The following TRPC4 variants were observed in gnomAD, a reference collection of about 807,000 sequenced individuals.
The protein encoded by TRPC4 is transient receptor potential cation channel subfamily C member 4, also known as short transient receptor potential channel 4.
In TRPC4, 49 loss-of-function variants were observed where a neutral mutation model predicts 99.4. The ratio of observed to expected loss-of-function variants is 0.49; its 90% CI spans 0.39 to 0.63. TRPC4 has a LOEUF of 0.63. TRPC4 is among the 20% of genes least tolerant of loss of function. The pLI, the probability that TRPC4 is intolerant of heterozygous loss-of-function variation, is 0.00. For missense variants in TRPC4, 898 were observed against 1,152.9 expected (o/e 0.78, Z 3.20); for synonymous variants, 454 against 425.9 (o/e 1.07, Z -0.81).
chr13:37,866,722 G>A (rs75417170), intron 1 of TRPC4, among the ~76,000 whole-genome samples: 5 of 151,528 alleles, frequency 3.3e-5, no homozygotes, highest in African/African-American at 1.2e-4. Context: ...GCCTCTGGAA[G>A]GGTGAGAAAT....
At chr13:37,830,447 G>A (rs1001138251) in intron 1 of TRPC4, among the ~76,000 whole-genome samples, 5 of 151,628 alleles carry the variant, frequency 3.3e-5, no homozygotes, top group African/African-American at 1.2e-4. Context: ...GATGGCTGAC[G>A]CCTGTAATCC....
intron 10 of TRPC4, among the ~76,000 whole-genome samples, chr13:37,637,975 G>A (rs902819034): frequency 1.3e-5 from 2 of 152,100 alleles, no homozygotes; most frequent in Non-Finnish European, 1.5e-5. Context: ...TGTCTCTGGG[G>A]TGTATTTTAT....
intron 3 of TRPC4, among the ~76,000 whole-genome samples, chr13:37,693,423 G>T (rs1209161999): frequency 6.6e-6 from 1 of 152,184 alleles, no homozygotes; most frequent in African/African-American, 2.4e-5. Flanking sequence ...TAAGTTCCTT[G>T]TAAGAGACTT....
intron 1 of TRPC4, among the ~76,000 whole-genome samples, chr13:37,801,172 T>C (rs754172616): frequency 4.6e-5 from 7 of 152,170 alleles, no homozygotes; most frequent in Non-Finnish European, 8.8e-5. Flanking sequence ...TACTGTGGAA[T>C]GTAACATAAA....
At chr13:37,741,551 G>A (rs1256331030) in intron 3 of TRPC4, among the ~76,000 whole-genome samples, 1 of 152,130 alleles carries the variant, frequency 6.6e-6, no homozygotes, top group Non-Finnish European at 1.5e-5. Flanking sequence ...ATCGCAGAAT[G>A]GTACTTGAAA....
intron 2 of TRPC4, among the ~76,000 whole-genome samples, chr13:37,774,762 CA>C (rs1215148200): frequency 1.3e-5 from 2 of 151,550 alleles, no homozygotes; most frequent in South Asian, 2.1e-4. Flanking sequence ...GTTTTGATAA[CA>C]AAATGATACT....
chr13:37,710,549 T>C (rs1954450125), intron 3 of TRPC4, among the ~76,000 whole-genome samples: 1 of 151,942 alleles, frequency 6.6e-6, no homozygotes, highest in Admixed American at 6.6e-5. Context: ...GTAAGTTTGG[T>C]ATGGAAATTA....
chr13:37,663,664 T>A lies in TRPC4; in HGVS notation c.1440A>T (p.Leu480Phe). 6.2e-7 allele frequency: 1 copy of A among 1,614,114 alleles called. No homozygotes were observed. The highest frequency in any genetic ancestry group is 8.5e-7 in the Non-Finnish European group (1 of 1,179,998). ...MWHPTLVAEA[L>F]FAIANIFSSL... is the part of the protein sequence containing the mutation. ...AACTGAAGATGTTTGCAATAGCAAA[T>A]AAAGCCTCTGCCACCAGAGTGGGAT... is the stretch of plus-strand genomic sequence containing the variant. Residue 480 changes from leucine (L) to phenylalanine (F), a missense_variant, in exon 6 of 11, where the codon TTA becomes TTT. Physicochemically the swap from Leu to Phe is conservative, Grantham distance 22 (BLOSUM62 0). Around this residue, in one of 3 missense-constraint regions of TRPC4, gnomAD observed 274 missense variants for 454.9 expected, o/e 0.60. Coordinates refer to ENST00000379705, the MANE Select transcript of TRPC4 (RefSeq NM_016179.4).
chr13:37,690,263 C>CCAAAGGA (rs1393848916), intron 4 of TRPC4, among the ~76,000 whole-genome samples: 6 of 152,192 alleles, frequency 3.9e-5, no homozygotes, highest in African/African-American at 1.4e-4. Context: ...TTATTTTATT[C>CCAAAGGA]CAAAGGACAC....
intron 1 of TRPC4, among the ~76,000 whole-genome samples, chr13:37,785,330 T>C (rs1956941564): frequency 6.6e-6 from 1 of 152,052 alleles, no homozygotes; most frequent in South Asian, 2.1e-4. Flanking sequence ...TAACAGTGTG[T>C]GGGATCAATG....
intron 8 of TRPC4, among the ~76,000 whole-genome samples, chr13:37,649,949 G>T (rs1951985708): frequency 6.6e-6 from 1 of 152,108 alleles, no homozygotes; most frequent in Non-Finnish European, 1.5e-5. Flanking sequence ...TTCTCAAACT[G>T]TAGTCCCCCA....
chr13:37,780,931 A>G (rs1329373339), intron 2 of TRPC4, among the ~76,000 whole-genome samples: 4 of 152,094 alleles, frequency 2.6e-5, no homozygotes, highest in African/African-American at 9.7e-5. Flanking sequence ...TATAAGAGAA[A>G]TCTTCCAGAA....
intron 1 of TRPC4, among the ~76,000 whole-genome samples, chr13:37,822,912 C>T (rs1958058158): frequency 6.7e-6 from 1 of 148,894 alleles, no homozygotes; most frequent in African/African-American, 2.5e-5. Context: ...TCCTATTTCT[C>T]CACATCCTCT....
intron 2 of TRPC4, among the ~76,000 whole-genome samples, chr13:37,774,420 A>G (rs1287491283): frequency 6.6e-6 from 1 of 151,892 alleles, no homozygotes; most frequent in African/African-American, 2.4e-5. Flanking sequence ...ACGAGTGTAT[A>G]AAACATAAAT....
intron 1 of TRPC4, among the ~76,000 whole-genome samples, chr13:37,808,121 G>C (rs1415378555): frequency 6.6e-6 from 1 of 151,998 alleles, no homozygotes; most frequent in Non-Finnish European, 1.5e-5. Flanking sequence ...ACATAACTAT[G>C]AAGGAAATAA....
intron 1 of TRPC4, among the ~76,000 whole-genome samples, chr13:37,843,145 G>A (rs981469036): frequency 6.6e-6 from 1 of 152,160 alleles, no homozygotes; most frequent in South Asian, 2.1e-4. Flanking sequence ...CATACTAATT[G>A]TGTGACCTTA....
At chr13:37,737,727 G>A (rs1205259138) in intron 3 of TRPC4, among the ~76,000 whole-genome samples, 2 of 151,898 alleles carry the variant, frequency 1.3e-5, no homozygotes, top group Non-Finnish European at 2.9e-5. Flanking sequence ...GCCTTGCCTC[G>A]GCCTCCCAAA....
At chr13:37,669,728 T>G (rs2138732223) in intron 5 of TRPC4, among the ~76,000 whole-genome samples, 1 of 152,262 alleles carries the variant, frequency 6.6e-6, no homozygotes, top group Admixed American at 6.5e-5. Flanking sequence ...GCAGAGAAAT[T>G]TGAGGCACAG....
intron 1 of TRPC4, among the ~76,000 whole-genome samples, chr13:37,802,586 C>G (rs1229964769): frequency 1.3e-5 from 2 of 152,028 alleles, no homozygotes; most frequent in East Asian, 3.9e-4. Flanking sequence ...ACCAACATGA[C>G]TTAATACTGG....
Sources: gnomAD v4.1 joint callset for allele counts (sites outside exome capture counted in the v4.1 genomes callset) on GRCh38, gnomAD v4.1.1 for gene constraint, gnomAD v4.1.1 regional missense constraint, MANE v1.5 for transcripts, NCBI Gene and HGNC (gene_info 2026-07-23, HGNC 2026-07-21) for gene names.